CACNA1A: variants seen among roughly 807,000 people sequenced by gnomAD.
CACNA1A encodes the protein calcium voltage-gated channel subunit alpha1 A.
CACNA1A carries 57 observed loss-of-function variants against 262.4 expected under a neutral mutation model. The observed-to-expected ratio is 0.22, with a 90% CI of 0.18 to 0.27. The LOEUF (loss-of-function observed/expected upper bound fraction) is 0.27, where lower values mean the gene tolerates loss of function less well. Among genes scored for constraint, CACNA1A ranks in the 10% least tolerant of loss-of-function variants. The pLI, the probability that CACNA1A is intolerant of heterozygous loss-of-function variation, is 1.00. For synonymous variants in CACNA1A, 1,431 were observed against 1,419.3 expected (o/e 1.01, Z -0.18); for missense variants, 2,526 against 3,562.8 (o/e 0.71, Z 7.41).
At chr19:13,303,992 G>A in intron 15 of CACNA1A, 108 bp from the exon 16 acceptor site, 1 of 753,380 alleles carries the variant, frequency 1.3e-6, no homozygotes, top group Non-Finnish European at 2.3e-6. Context: ...GAGCCCAGGA[G>A]GTCTTTAACA....
In CACNA1A at chr19:13,423,316, G is replaced by A. The variant is rs146733245; in HGVS notation, c.539+29560C>T. On this transcript the variant is annotated intron_variant, in intron 3 of 46. Transcript: ENST00000360228. ...GGTGTGCTTTTATGGCAGAGTGCGT[G>A]ATGGAGGGCTAGTGGGTTCATCCCT... Among the ~76,000 whole-genome samples, 463 of 152,254 alleles carry A rather than the reference G, an allele frequency of 3.0e-3. 3 individuals carry two copies. The highest frequency in any genetic ancestry group is 0.011 in the African/African-American group (441 of 41,558).
Position 13,214,243 on chromosome 19 carries a change from C to T in CACNA1A, c.5930G>A (p.Arg1977His), listed in dbSNP as rs1057521547. The change falls in exon 40 of 47, where the codon CGC becomes CAC. Residue 1977 changes from arginine (R) to histidine (H), a missense_variant. Physicochemically the swap from Arg to His is conservative, Grantham distance 29. This residue lies in a region of CACNA1A where 929 missense variants were observed against 868.1 expected (regional missense o/e 1.07). Transcript: ENST00000360228. This position sits in a 1 kb window ranked among gnomAD's most constrained non-coding sequence, Gnocchi z 4.1. ...QSKAKKLQAM[R>H]EEQDRTPLMF... is the part of the protein sequence containing the mutation. The stretch of plus-strand genomic sequence containing the variant: ...CGGCGAACAGCGCACCTGCTCCTCG[C>T]GCATGGCCTGCAGCTTCTTGGCCTT... 4.4e-6 allele frequency: 7 copies of T among 1,609,136 alleles called. No homozygotes were observed. Among genetic ancestry groups the T allele is most frequent in the Non-Finnish European group, 5.9e-6 (7 of 1,179,526 alleles).
chr19:13,239,949 G>A (rs934980805), intron 31 of CACNA1A, among the ~76,000 whole-genome samples: 18 of 151,886 alleles, frequency 1.2e-4, no homozygotes, highest in African/African-American at 4.1e-4. Flanking sequence ...TCAGGAGTTC[G>A]AGACCAGCCT....
At position 13,286,540 on chromosome 19, in the gene CACNA1A, T is replaced by C; in HGVS notation, c.3516A>G (p.Pro1172=). The C allele has an allele frequency of 1.6e-6, 2 of 1,250,764 alleles. No individual in the cohort carries two copies. Among genetic ancestry groups the C allele is most frequent in the African/African-American group, 1.6e-5 (1 of 61,592 alleles). The allele number at this position is 1,250,764 out of a possible 1,614,324, so 77.5% of individuals were successfully genotyped here. Residue 1172 remains proline, a synonymous_variant, in exon 20 of 47, where the codon CCA becomes CCG. Transcript: ENST00000360228. ...KPDHTTVDIP[P]ACPPPLNHTV... is the part of the protein sequence containing the mutation. ...TGTGGTTGAGGGGGGGTGGGCAGGCTGGGGGGATGTCCACTGTGGTGTGGT... is the reference window on the plus strand; with the variant it reads ...TGTGGTTGAGGGGGGGTGGGCAGGCCGGGGGGATGTCCACTGTGGTGTGGT...
intron 26 of CACNA1A, 142 bp downstream of exon 26, chr19:13,261,308 G>C (rs1038547809): frequency 1.5e-6 from 1 of 672,824 alleles, no homozygotes; most frequent in East Asian, 2.8e-5. Flanking sequence ...TTCTACCCAA[G>C]ATCCAAGCTG....
intron 1 of CACNA1A, among the ~76,000 whole-genome samples, chr19:13,481,363 A>G (rs939175188): frequency 2.6e-5 from 4 of 152,216 alleles, no homozygotes; most frequent in Non-Finnish European, 5.9e-5. Flanking sequence ...TCATTGTCCT[A>G]GACCTGGGAG....
At position 13,389,897 on chromosome 19, in the gene CACNA1A, C is replaced by CTGCT. The variant is rs1283765656; in HGVS notation, c.540-18122_540-18119dup. 1.2e-4 allele frequency among the ~76,000 whole-genome samples: 19 copies of CTGCT among 152,270 alleles called. No individual in the cohort carries two copies. In the South Asian group the frequency reaches 3.7e-3, roughly 30 times the overall value. On this transcript the variant is annotated intron_variant, in intron 3 of 46. Coordinates refer to ENST00000360228, the MANE Select transcript of CACNA1A (RefSeq NM_001127222.2). ...GCGCAATCTCAGCTCACTGCAACCT[C>CTGCT]TGCTTCCCAGGTTCAAGCAATTCTC...
chr19:13,298,872 C>T lies in CACNA1A; in HGVS notation c.2761G>A (p.Glu921Lys), dbSNP rs1266852081. Residue 921 changes from glutamate to lysine, a missense_variant, in exon 19 of 47, where the codon GAG becomes AAG. Physicochemically the swap from Glu to Lys is moderately conservative, Grantham distance 56 (BLOSUM62 1). Around this residue, in one of 17 missense-constraint regions of CACNA1A, gnomAD observed 765 missense variants for 748.6 expected, o/e 1.02. Transcript: ENST00000360228. Reference sequence around the variant, plus strand: ...TGGGGGTCCCCGGCCTTGCCTCGCTCGGCCTCGCCCTCCCAGAACCCGGGT... The same window carrying T: ...TGGGGGTCCCCGGCCTTGCCTCGCTTGGCCTCGCCCTCCCAGAACCCGGGT... ...EQPGFWEGEA[E>K]RGKAGDPHRR... 4 of 1,591,812 alleles carry T rather than the reference C, an allele frequency of 2.5e-6. No individual in the cohort carries two copies. The highest frequency in any genetic ancestry group is 8.5e-7 in the Non-Finnish European group (1 of 1,176,986).
intron 35 of CACNA1A, 147 bp from the exon 36 acceptor site, chr19:13,230,356 G>A: frequency 2.6e-6 from 2 of 760,616 alleles, no homozygotes; most frequent in Middle Eastern, 2.7e-4. Context: ...ATAGAGAGAA[G>A]ATGGGGAAAG....
In CACNA1A at chr19:13,359,810, G is replaced by A. The variant is rs759372331; in HGVS notation, c.785-11C>T. 2 of 1,495,412 alleles carry A rather than the reference G, an allele frequency of 1.3e-6. No homozygotes were observed. Among genetic ancestry groups the A allele is most frequent in the South Asian group, 2.7e-5 (2 of 74,500 alleles). 92.6% of individuals were successfully genotyped at this position (1,495,412 alleles called of 1,614,324 possible). On this transcript the variant is annotated splice_polypyrimidine_tract_variant and intron_variant, in intron 5 of 46. Transcript: ENST00000360228. ...CACCCTGAATGTCATCTACAAAAGG[G>A]AAGGGGAGAAAAGTCAGGGGAAGGA...
intron 3 of CACNA1A, among the ~76,000 whole-genome samples, chr19:13,439,381 T>C (rs1282171761): frequency 6.8e-6 from 1 of 147,810 alleles, no homozygotes; most frequent in Non-Finnish European, 1.5e-5. Context: ...TCAGGATCAG[T>C]CTGGGTTCTG....
At position 13,286,586 on chromosome 19, in the gene CACNA1A, G is replaced by A; in HGVS notation, c.3470C>T (p.Ala1157Val). The A allele has an allele frequency of 6.5e-7, 1 of 1,548,816 alleles. No individual in the cohort carries two copies. Among genetic ancestry groups the A allele is most frequent in the Admixed American group, 2.0e-5 (1 of 49,198 alleles). Residue 1157 changes from alanine (A) to valine (V), a missense_variant, in exon 20 of 47, where the codon GCT becomes GTT. By Grantham distance (64) the Ala-to-Val change is moderately conservative. Transcript: ENST00000360228. ...GTGGTCGGGTTTCCTGGCAGTCTTAGCTGAATTGGTCTGGGTGCCGCTGGG... is the reference window on the plus strand; with the variant it reads ...GTGGTCGGGTTTCCTGGCAGTCTTAACTGAATTGGTCTGGGTGCCGCTGGG... ...TNPSGTQTNS[A>V]KTARKPDHTT...
rs567210860 is a variant in CACNA1A at position 13,241,274 on chromosome 19, C to T, written c.4950+3908G>A. On this transcript the variant is annotated intron_variant, in intron 31 of 46. Coordinates refer to ENST00000360228, the MANE Select transcript of CACNA1A (RefSeq NM_001127222.2). This position sits in a 1 kb window ranked among gnomAD's most constrained non-coding sequence, Gnocchi z 4.0. Reference sequence around the variant, plus strand: ...AACCCATCCCTTTCTCTGCAAAAGACGCAAACCACCCCAAACAGAAAACCC... The same window carrying T: ...AACCCATCCCTTTCTCTGCAAAAGATGCAAACCACCCCAAACAGAAAACCC... Among the ~76,000 whole-genome samples the T allele has an allele frequency of 1.2e-4, 18 of 152,086 alleles. No individual in the cohort carries two copies. The highest frequency in any genetic ancestry group is 1.9e-4 in the Non-Finnish European group (13 of 68,006).
chr19:13,404,022 C>T (rs1237720396), intron 3 of CACNA1A, among the ~76,000 whole-genome samples: 1 of 152,082 alleles, frequency 6.6e-6, no homozygotes, highest in Non-Finnish European at 1.5e-5. Flanking sequence ...GGCCTCACCA[C>T]TCTCCAGCTG....
intron 1 of CACNA1A, among the ~76,000 whole-genome samples, chr19:13,502,180 AT>A (rs1413802490): frequency 7.9e-5 from 11 of 138,738 alleles, no homozygotes; most frequent in Non-Finnish European, 1.6e-4. Flanking sequence ...AAAAAAAAAA[AT>A]GAGAGGAGTG....
At position 13,207,628 on chromosome 19, in the gene CACNA1A, C is replaced by CG; in HGVS notation, c.7205dup (p.Pro2404SerfsTer99). 1 of 1,477,796 alleles carries CG rather than the reference C, an allele frequency of 6.8e-7. No individual in the cohort carries two copies. Among genetic ancestry groups the CG allele is most frequent in the South Asian group, 1.3e-5 (1 of 78,792 alleles). The allele number at this position is 1,477,796 out of a possible 1,614,324, so 91.5% of individuals were successfully genotyped here. On this transcript the variant is annotated frameshift_variant, in exon 47 of 47. Coordinates refer to ENST00000360228, the MANE Select transcript of CACNA1A (RefSeq NM_001127222.2). LOFTEE classifies it high-confidence loss of function. This position sits in a 1 kb window ranked among gnomAD's most constrained non-coding sequence, Gnocchi z 5.7. The stretch of plus-strand genomic sequence containing the variant: ...GGTAGTAGCCATGGTGCCGGGGACC[C>CG]GGGGGCCCCTCGGACACGTGCGGGC...
intron 1 of CACNA1A, among the ~76,000 whole-genome samples, chr19:13,470,782 A>C (rs1009792630): frequency 3.9e-5 from 6 of 151,926 alleles, no homozygotes; most frequent in African/African-American, 1.2e-4. Flanking sequence ...GAGGAGGGGG[A>C]GTTGGGGCAT....
chr19:13,219,034 C>T (rs1164941533), intron 38 of CACNA1A, among the ~76,000 whole-genome samples: 1 of 149,808 alleles, frequency 6.7e-6, no homozygotes, highest in African/African-American at 2.5e-5. Flanking sequence ...ATGCCAGGCC[C>T]TTTGCAGATT....
At chr19:13,464,360 T>C (rs942480586) in intron 1 of CACNA1A, among the ~76,000 whole-genome samples, 4 of 152,112 alleles carry the variant, frequency 2.6e-5, no homozygotes, top group African/African-American at 7.2e-5. Context: ...GATCATACCA[T>C]GGCACTCCAG....
Sources: allele counts gnomAD v4.1 joint callset (sites outside exome capture counted in the v4.1 genomes callset), GRCh38; gene constraint gnomAD v4.1.1; regional missense constraint gnomAD v4.1.1; non-coding constraint Gnocchi (gnomAD v3.1); transcripts MANE v1.5; gene names NCBI Gene and HGNC (gene_info 2026-07-23, HGNC 2026-07-21).